The following SFSWAP variants were observed in gnomAD, a reference collection of about 807,000 sequenced individuals.
SFSWAP encodes the protein splicing factor, suppressor of white-apricot homolog.
A neutral mutation model predicts 100.7 loss-of-function variants in SFSWAP; 17 were observed. That is an observed-to-expected ratio of 0.17 (90% CI 0.12 to 0.25). The LOEUF is 0.25. Ranked by LOEUF, SFSWAP falls within the 10% of genes least tolerant of loss-of-function variation. SFSWAP has a pLI of 1.00. For missense variants in SFSWAP, 1,005 were observed against 1,262.6 expected (o/e 0.80, Z 3.09); for synonymous variants, 504 against 510.1 (o/e 0.99, Z 0.16).
chr12:131,770,906 C>A (rs190707882), intron 13 of SFSWAP, among the ~76,000 whole-genome samples: 118 of 152,326 alleles, frequency 7.7e-4, no homozygotes, highest in Admixed American at 1.5e-3. Flanking sequence ...AACGGGACTC[C>A]TGGGGACCGC....
intron 7 of SFSWAP, among the ~76,000 whole-genome samples, chr12:131,737,993 A>C (rs1880199480): frequency 6.6e-6 from 1 of 152,172 alleles, no homozygotes; most frequent in Non-Finnish European, 1.5e-5. Flanking sequence ...GTATAAATAA[A>C]TAAAAGTAAT....
chr12:131,719,158 G>A (rs1878216477), intron 3 of SFSWAP, among the ~76,000 whole-genome samples: 1 of 151,800 alleles, frequency 6.6e-6, no homozygotes, highest in East Asian at 1.9e-4. Flanking sequence ...GTGTCTGCAA[G>A]GGTCCTAGAA....
intron 7 of SFSWAP, among the ~76,000 whole-genome samples, chr12:131,731,734 T>A (rs1879527490): frequency 6.6e-6 from 1 of 152,136 alleles, no homozygotes; most frequent in African/African-American, 2.4e-5. Context: ...TCCAAAAGTA[T>A]TAATGCAGTG....
At chr12:131,786,264 A>G (rs1222464276) in intron 14 of SFSWAP, among the ~76,000 whole-genome samples, 199 bp from the exon 15 acceptor site, 1 of 152,124 alleles carries the variant, frequency 6.6e-6, no homozygotes, top group African/African-American at 2.4e-5. Flanking sequence ...TGCCTCTGAG[A>G]TTGGATTCGG....
chr12:131,779,236 CGTGT>C (rs1321022608), intron 14 of SFSWAP, among the ~76,000 whole-genome samples: 1 of 133,626 alleles, frequency 7.5e-6, no homozygotes, highest in African/African-American at 2.9e-5. Context: ...CGCGGGTGAG[CGTGT>C]GTGAAGAGGG....
rs1879760410 is a variant in SFSWAP at position 131,733,996 on chromosome 12, C to T, written c.1081+5568C>T. 6.6e-6 allele frequency among the ~76,000 whole-genome samples: 1 copy of T among 152,226 alleles called. No individual in the cohort carries two copies. The highest frequency in any genetic ancestry group is 2.4e-5 in the African/African-American group (1 of 41,462). On this transcript the variant is annotated intron_variant, in intron 7 of 17. Transcript: ENST00000261674. This position sits in a 1 kb window ranked among gnomAD's most constrained non-coding sequence, Gnocchi z 5.1. ...GTGACACATGGGAGCAGGTCAGTGC[C>T]CTGTGTGTGGCTTGCCACCATCATT...
chr12:131,750,227 G>A (rs375600367), intron 7 of SFSWAP, among the ~76,000 whole-genome samples: 1 of 152,326 alleles, frequency 6.6e-6, no homozygotes, highest in Non-Finnish European at 1.5e-5. Flanking sequence ...ACCCAGGAAC[G>A]GTGTAGCGGA....
Position 131,784,552 on chromosome 12 carries a change from T to C in SFSWAP, c.2409-1911T>C, listed in dbSNP as rs1251951838. 2.6e-5 allele frequency: 4 copies of C among 152,140 alleles called. No homozygotes were observed. The South Asian group carries it at 6.2e-4, about 24-fold the overall frequency. The allele number at this position is 152,140 out of a possible 1,614,324, so 9.4% of individuals were successfully genotyped here. ...TGCTTTTTTGAGGAAAAAAAAAAAC[T>C]GTGAGTCACGTTATGCTTGCAAGTG... On this transcript the variant is annotated intron_variant, in intron 14 of 17. Coordinates refer to ENST00000261674, the MANE Select transcript of SFSWAP (RefSeq NM_004592.4).
At position 131,786,021 on chromosome 12, in the gene SFSWAP, G is replaced by A. The variant is rs114462020; in HGVS notation, c.2409-442G>A. The A allele has an allele frequency of 6.3e-3, 979 of 155,074 alleles. 13 individuals are homozygous for A. The highest frequency in any genetic ancestry group is 0.022 in the African/African-American group (930 of 41,644). 9.6% of individuals were successfully genotyped at this position (155,074 alleles called of 1,614,324 possible). On this transcript the variant is annotated intron_variant, in intron 14 of 17. Coordinates refer to ENST00000261674, the MANE Select transcript of SFSWAP (RefSeq NM_004592.4). ...GATTGCCTTTTCTTACCTCATGTTG[G>A]TAGAAACATCAATGAGCTGAAATGT...
At position 131,746,964 on chromosome 12, in the gene SFSWAP, T is replaced by C. The variant is rs555495004; in HGVS notation, c.1082-6159T>C. Among the ~76,000 whole-genome samples the C allele has an allele frequency of 6.9e-4, 104 of 151,718 alleles. No homozygotes were observed. The South Asian group carries it at 7.3e-3, about 11-fold the overall frequency. Reference sequence around the variant, plus strand: ...CTAAAAATACAAAAAATTAGCCGGGTGTGGTGGCGGGTGCCTGTAGTCCCA... The same window carrying C: ...CTAAAAATACAAAAAATTAGCCGGGCGTGGTGGCGGGTGCCTGTAGTCCCA... On this transcript the variant is annotated intron_variant, in intron 7 of 17. Transcript: ENST00000261674.
intron 7 of SFSWAP, among the ~76,000 whole-genome samples, chr12:131,736,615 C>T (rs1409406676): frequency 6.6e-6 from 1 of 152,106 alleles, no homozygotes; most frequent in East Asian, 1.9e-4. Context: ...AACACCCCTC[C>T]AGCGCTTTGG....
At chr12:131,755,925 C>T (rs932634262) in intron 10 of SFSWAP, among the ~76,000 whole-genome samples, 4 of 152,240 alleles carry the variant, frequency 2.6e-5, no homozygotes, top group African/African-American at 7.2e-5. Flanking sequence ...ACGCCCTTCC[C>T]CCTCACCAGA....
chr12:131,754,530 A>G, intron 9 of SFSWAP, 31 bp downstream of exon 9: 2 of 1,416,088 alleles, frequency 1.4e-6, no homozygotes, highest in Non-Finnish European at 1.9e-6. Context: ...TGTTAGGTAT[A>G]TGGCATTTGG....
intron 13 of SFSWAP, among the ~76,000 whole-genome samples, chr12:131,776,265 G>C (rs1267530796): frequency 6.6e-6 from 1 of 152,178 alleles, no homozygotes; most frequent in East Asian, 1.9e-4. Flanking sequence ...GAGACTTAAA[G>C]ATGAACCTCA....
chr12:131,777,900 T>C (rs1884153918), intron 13 of SFSWAP, among the ~76,000 whole-genome samples, 165 bp from the exon 14 acceptor site: 1 of 152,184 alleles, frequency 6.6e-6, no homozygotes, highest in African/African-American at 2.4e-5. Context: ...TTTTGCATCC[T>C]GGGAGGTGAC....
chr12:131,716,949 G>A (rs553260683), intron 3 of SFSWAP, among the ~76,000 whole-genome samples: 9 of 152,256 alleles, frequency 5.9e-5, no homozygotes, highest in Non-Finnish European at 1.3e-4. Context: ...GTTCTCTTTA[G>A]TATTTTACAA....
Position 131,728,278 on chromosome 12 carries a change from C to T in SFSWAP, c.946-15C>T, listed in dbSNP as rs764806553. The stretch of plus-strand genomic sequence containing the variant: ...AGAATATTGAATGCTAAGGCTGTGT[C>T]TTCTCTGTTTCCAGCCCTTGAAGGT... On this transcript the variant is annotated splice_polypyrimidine_tract_variant and intron_variant, in intron 6 of 17. Coordinates refer to ENST00000261674, the MANE Select transcript of SFSWAP (RefSeq NM_004592.4). 1 of 1,614,066 alleles carries T rather than the reference C, an allele frequency of 6.2e-7. No individual in the cohort carries two copies. Among genetic ancestry groups the T allele is most frequent in the Non-Finnish European group, 8.5e-7 (1 of 1,179,896 alleles).
At position 131,711,519 on chromosome 12, in the gene SFSWAP, C is replaced by T. The variant is rs1247884862; in HGVS notation, c.218+72C>T. 2.8e-5 allele frequency: 35 copies of T among 1,272,000 alleles called. No individual in the cohort carries two copies. Among genetic ancestry groups the T allele is most frequent in the South Asian group, 3.7e-5 (3 of 80,600 alleles). 78.8% of individuals were successfully genotyped at this position (1,272,000 alleles called of 1,614,324 possible). A position where few individuals can be genotyped will look rare whatever the true frequency, so the allele number is the denominator to read the frequency against. ...TTGATCTCGTCTGATGTTGACTTGA[C>T]TGCAAGGACTGCAGAGAGTTTTCTG... On this transcript the variant is annotated intron_variant, in intron 1 of 17. Transcript: ENST00000261674. This position sits in a 1 kb window ranked among gnomAD's most constrained non-coding sequence, Gnocchi z 4.9.
intron 6 of SFSWAP, among the ~76,000 whole-genome samples, chr12:131,727,509 G>C (rs1327787872): frequency 6.6e-6 from 1 of 152,180 alleles, no homozygotes; most frequent in Admixed American, 6.5e-5. Flanking sequence ...AGCCAGGCGT[G>C]GTGGGTACAC....
Sources: allele counts gnomAD v4.1 joint callset (sites outside exome capture counted in the v4.1 genomes callset), GRCh38; gene constraint gnomAD v4.1.1; non-coding constraint Gnocchi (gnomAD v3.1); transcripts MANE v1.5; gene names NCBI Gene and HGNC (gene_info 2026-07-23, HGNC 2026-07-21).